Variants in ADAMTS10 observed in about 807,000 individuals in gnomAD.
ADAMTS10 encodes the protein ADAM metallopeptidase with thrombospondin type 1 motif 10.
In ADAMTS10, 48 loss-of-function variants were observed where a neutral mutation model predicts 135.9. The ratio of observed to expected loss-of-function variants is 0.35; its 90% confidence interval spans 0.28 to 0.45. The LOEUF is 0.45. Ranked by LOEUF, ADAMTS10 falls within the 20% of genes least tolerant of loss-of-function variation. The probability of loss-of-function intolerance (pLI) is 1.00; values close to 1 mark genes in which losing one functional copy is unlikely to be tolerated. For synonymous variants in ADAMTS10, 621 were observed against 647.5 expected, an observed-to-expected ratio of 0.96 and a Z score of 0.62; for missense variants, 1,131 against 1,565.2, an observed-to-expected ratio of 0.72 and a Z score of 4.68.
intron 18 of ADAMTS10, 47 bp downstream of exon 18, chr19:8,589,195 C>G: frequency 6.2e-7 from 1 of 1,610,390 alleles, no homozygotes. Context: ...CACCTGCAGT[C>G]AGCTGGCCCA....
chr19:8,600,928 A>G lies in ADAMTS10; in HGVS notation c.810T>C (p.Ile270=). 6 of 1,613,990 alleles carry G rather than the reference A, an allele frequency of 3.7e-6. 1 individual carries two copies. The highest frequency in any genetic ancestry group is 5.1e-6 in the Non-Finnish European group (6 of 1,180,002). Residue 270 remains isoleucine (I), a splice_region_variant and synonymous_variant, in exon 6 of 26, where the codon ATT becomes ATC. Transcript: ENST00000597188. ...TGCCCAGGGAGGGGAAGGCACTTAC[A>G]ATGTTCATGATGGCCAGGACATACT... ...VEQYVLAIMN[I]VAKLFQDSSL...
Position 8,593,102 on chromosome 19 carries a change from C to T in ADAMTS10, c.1480-232G>A, listed in dbSNP as rs188427427. 1,208 of 590,588 alleles carry T rather than the reference C, an allele frequency of 2.0e-3. 4 individuals are homozygous for T. Among genetic ancestry groups the T allele is most frequent in the Non-Finnish European group, 3.2e-3 (1,044 of 327,238 alleles). 36.6% of individuals were successfully genotyped at this position (590,588 alleles called of 1,614,324 possible). On this transcript the variant is annotated intron_variant, in intron 12 of 25. Transcript: ENST00000597188. ...TGGAGCACTTTATACATGCCATATA[C>T]CTCTTTAGGCAGTACTACCCCATCT...
rs144634349 is a variant in ADAMTS10 at position 8,596,116 on chromosome 19, C to T, written c.1294G>A (p.Val432Met). The T allele has an allele frequency of 1.4e-5, 22 of 1,614,064 alleles. No individual in the cohort carries two copies. The East Asian group carries it at 1.8e-4, about 13-fold the overall frequency. ...AHITMKTNPF[V>M]WSSCSRDYIT... is the part of the protein sequence containing the mutation. ...TAGTCACGGCTGCAGGATGACCACA[C>T]GAATGGGTTGGTCTTCATGGTAATG... Residue 432 changes from valine to methionine, a missense_variant, in exon 11 of 26, where the codon GTG becomes ATG. Transcript: ENST00000597188. The surrounding 1 kb of genome is among the most constrained non-coding windows in gnomAD (Gnocchi z 7.2).
intron 6 of ADAMTS10, among the ~76,000 whole-genome samples, chr19:8,600,623 C>T (rs543601477): frequency 1.1e-4 from 16 of 151,746 alleles, no homozygotes; most frequent in African/African-American, 2.7e-4. Context: ...CTCGGCCTCC[C>T]GAGTAGCTGG....
At chr19:8,603,248 A>G (rs1360446921) in intron 5 of ADAMTS10, among the ~76,000 whole-genome samples, 1 of 152,100 alleles carries the variant, frequency 6.6e-6, no homozygotes, top group African/African-American at 2.4e-5. Context: ...GTCTGAGGAT[A>G]TGTCTCTGCT....
Position 8,596,248 on chromosome 19 carries a change from G to T in ADAMTS10, c.1191-29C>A. The T allele has an allele frequency of 6.2e-7, 1 of 1,613,128 alleles. No homozygotes were observed. Among genetic ancestry groups the T allele is most frequent in the South Asian group, 1.1e-5 (1 of 91,084 alleles). ...GGGAAAGGGGTGTCGGCTCTGCCGG[G>T]CGCTGAGGGACCCGCCCAGCTCCTC... is the stretch of plus-strand genomic sequence containing the variant. On this transcript the variant is annotated intron_variant, in intron 10 of 25. Coordinates refer to ENST00000597188, the MANE Select transcript of ADAMTS10 (RefSeq NM_030957.4). The surrounding 1 kb of genome is among the most constrained non-coding windows in gnomAD (Gnocchi z 7.2).
At chr19:8,599,861 G>A (rs1312095104) in intron 6 of ADAMTS10, among the ~76,000 whole-genome samples, 1 of 151,330 alleles carries the variant, frequency 6.6e-6, no homozygotes, top group Non-Finnish European at 1.5e-5. Flanking sequence ...TTGAGACAGA[G>A]TCTTGCTCTG....
chr19:8,603,406 C>G (rs1178238610), intron 5 of ADAMTS10, among the ~76,000 whole-genome samples: 1 of 152,192 alleles, frequency 6.6e-6, no homozygotes, highest in Non-Finnish European at 1.5e-5. Context: ...TCCCGAGTAG[C>G]TGGGATGACA....
intron 6 of ADAMTS10, 120 bp from the exon 7 acceptor site, chr19:8,597,437 G>T: frequency 1.2e-6 from 1 of 853,056 alleles, no homozygotes; most frequent in Non-Finnish European, 1.9e-6. Context: ...CGGGTCTTAG[G>T]CTAAACCTGC....
At chr19:8,589,410 C>T (rs782227053) in intron 17 of ADAMTS10, 42 bp downstream of exon 17, 85 of 1,609,708 alleles carry the variant, frequency 5.3e-5, no homozygotes, top group Non-Finnish European at 6.0e-5. Flanking sequence ...AACCCACCCC[C>T]GCTCCCCATC....
rs782344200 is a variant in ADAMTS10 at position 8,586,601 on chromosome 19, C to A, written c.2360G>T (p.Ser787Ile). 1 of 1,613,950 alleles carries A rather than the reference C, an allele frequency of 6.2e-7. No individual in the cohort carries two copies. The highest frequency in any genetic ancestry group is 1.3e-5 in the African/African-American group (1 of 74,902). Residue 787 changes from serine to isoleucine, a missense_variant, in exon 20 of 26, where the codon AGC (serine) becomes ATC (isoleucine). Transcript: ENST00000597188. ...QLRQGPDQVQ[S>I]LEALGPINAS... ...ATTAATCGGTCCCAGGGCTTCGAGGCTCTGGACCTGGTCTGGCCCCTGTCG... is the reference window on the plus strand; with the variant it reads ...ATTAATCGGTCCCAGGGCTTCGAGGATCTGGACCTGGTCTGGCCCCTGTCG...
chr19:8,608,045 A>AGG, intron 2 of ADAMTS10, 89 bp downstream of exon 2: 4 of 152,128 alleles, frequency 2.6e-5, no homozygotes. Context: ...TCTTGACCTC[A>AGG]TGATCAGCCC....
intron 13 of ADAMTS10, 175 bp from the exon 14 acceptor site, chr19:8,592,278 A>C: frequency 7.4e-7 from 1 of 1,345,552 alleles, no homozygotes; most frequent in Non-Finnish European, 1.0e-6. Context: ...TCTGGGAGAC[A>C]GACCAGGTAC....
At chr19:8,606,447 G>A (rs1376267767) in intron 2 of ADAMTS10, among the ~76,000 whole-genome samples, 1 of 152,128 alleles carries the variant, frequency 6.6e-6, no homozygotes, top group Admixed American at 6.6e-5. Flanking sequence ...TGTGACCCAG[G>A]CTGGAGTGCA....
chr19:8,595,764 C>T lies in ADAMTS10; in HGVS notation c.1477G>A (p.Gly493Arg), dbSNP rs782722293. The change falls in exon 12 of 26, where the codon GGG becomes AGG. Residue 493 changes from glycine to arginine, a missense_variant and splice_region_variant. Physicochemically the swap from Gly to Arg is moderately radical, Grantham distance 125. Around this residue, in one of 3 missense-constraint regions of ADAMTS10, gnomAD observed 745 missense variants for 1,056.3 expected, o/e 0.71. Coordinates refer to ENST00000597188, the MANE Select transcript of ADAMTS10 (RefSeq NM_030957.4). ...HGVKSRQCKY[G>R]EVCSELWCLS... ...GAAAGCAGGAAGACTCTCTCTACCC[C>T]GTATTTACACTGACGCGATTTGACT... 6.8e-6 allele frequency: 11 copies of T among 1,613,914 alleles called. No individual in the cohort carries two copies. The highest frequency in any genetic ancestry group is 7.6e-6 in the Non-Finnish European group (9 of 1,179,964).
intron 12 of ADAMTS10, 89 bp from the exon 13 acceptor site, chr19:8,592,959 T>C: frequency 8.3e-7 from 1 of 1,210,860 alleles, no homozygotes; most frequent in Non-Finnish European, 1.2e-6. Flanking sequence ...GATGTCCGGC[T>C]CACTGCCGGT....
At position 8,605,155 on chromosome 19, in the gene ADAMTS10, G is replaced by A. The variant is rs2042706336; in HGVS notation, c.292C>T (p.Leu98=). The A allele has an allele frequency of 1.2e-6, 2 of 1,614,012 alleles. No homozygotes were observed. Among genetic ancestry groups the A allele is most frequent in the Non-Finnish European group, 1.7e-6 (2 of 1,179,960 alleles). The change falls in exon 4 of 26, where the codon CTG becomes TTG. Residue 98 remains leucine, a synonymous_variant. Coordinates refer to ENST00000597188, the MANE Select transcript of ADAMTS10 (RefSeq NM_030957.4). This position sits in a 1 kb window ranked among gnomAD's most constrained non-coding sequence, Gnocchi z 7.7. ...TACTCCACGGAGACGTGCCCTGCCA[G>A]TAGACGGGAGCTGCGGGTCAGGTTC... ...LLNLTRSSRL[L]AGHVSVEYWT...
intron 22 of ADAMTS10, 77 bp downstream of exon 22, chr19:8,586,045 C>T: frequency 1.2e-6 from 2 of 1,607,682 alleles, no homozygotes; most frequent in Non-Finnish European, 1.7e-6. Context: ...CTCCCCACCC[C>T]CCTGGAGCAC....
chr19:8,600,793 C>T (rs549265606), intron 6 of ADAMTS10, 135 bp downstream of exon 6: 92 of 1,153,208 alleles, frequency 8.0e-5, no homozygotes, highest in Middle Eastern at 2.7e-4. Context: ...CCACCGCGCC[C>T]GGCCTGCAAC....
Sources: gnomAD v4.1 joint callset for allele counts (sites outside exome capture counted in the v4.1 genomes callset) on GRCh38, gnomAD v4.1.1 for gene constraint, gnomAD v4.1.1 regional missense constraint, Gnocchi (gnomAD v3.1) non-coding constraint, MANE v1.5 for transcripts, NCBI Gene and HGNC (gene_info 2026-07-23, HGNC 2026-07-21) for gene names.